GMNC: variants seen among roughly 807,000 people sequenced by gnomAD.
GMNC encodes the protein geminin coiled-coil domain containing.
Under a neutral mutation model 33.6 loss-of-function variants are expected in GMNC, and 16 were observed. That is an observed-to-expected ratio of 0.48 (90% CI 0.32 to 0.72). The LOEUF (loss-of-function observed/expected upper bound fraction) is 0.72, where lower values mean the gene tolerates loss of function less well. GMNC is among the 30% of genes least tolerant of loss of function. The pLI is 0.03. For synonymous variants in GMNC, 156 were observed against 147.3 expected (o/e 1.06, Z -0.43); for missense variants, 393 against 388.9 (o/e 1.01, Z -0.09).
chr3:190,860,921 G>A, intron 1 of GMNC, 63 bp from the exon 2 acceptor site: 2 of 1,201,972 alleles, frequency 1.7e-6, no homozygotes, highest in Non-Finnish European at 2.3e-6. Context: ...AGATTTAGAA[G>A]GGGGAAAGGG....
chr3:190,851,277 A>G (rs1402997779), downstream of GMNC, among the ~76,000 whole-genome samples: 1 of 152,240 alleles, frequency 6.6e-6, no homozygotes, highest in African/African-American at 2.4e-5. Flanking sequence ...TCACAAAACT[A>G]GAGAATATTT....
rs564901731 is a variant in GMNC at position 190,855,112 on chromosome 3, G to A, written c.*183C>T. On this transcript the variant is annotated 3_prime_UTR_variant, in exon 5 of 5. Coordinates refer to ENST00000442080, the MANE Select transcript of GMNC (RefSeq NM_001146686.3). The stretch of plus-strand genomic sequence containing the variant: ...ATTTAGGTAAAAGAAGCGCGGACAC[G>A]TTTCATTATGGATTCTTGGAAGCCA... 1.7e-5 allele frequency: 11 copies of A among 628,820 alleles called. No individual in the cohort carries two copies. Among genetic ancestry groups the A allele is most frequent in the South Asian group, 1.0e-4 (5 of 49,024 alleles). The allele number at this position is 628,820 out of a possible 1,614,324, so 39.0% of individuals were successfully genotyped here.
At position 190,861,490 on chromosome 3, in the gene GMNC, CTATCTATCT is replaced by C. The variant is rs1737869477; in HGVS notation, c.4-641_4-633del. ...TCTATCTATCTATCTATCTATCTAT[CTATCTATCT>C]ATCTATCTATCTCTGTCCCAGAGAT... On this transcript the variant is annotated intron_variant, in intron 1 of 4. Coordinates refer to ENST00000442080, the MANE Select transcript of GMNC (RefSeq NM_001146686.3). This position sits in a 1 kb window ranked among gnomAD's most constrained non-coding sequence, Gnocchi z 5.1. 6.6e-6 allele frequency among the ~76,000 whole-genome samples: 1 copy of C among 152,038 alleles called. No individual in the cohort carries two copies. The highest frequency in any genetic ancestry group is 2.4e-5 in the African/African-American group (1 of 41,442).
rs552019591 is a variant in GMNC at position 190,860,512 on chromosome 3, T to A, written c.178+172A>T. 1.8e-4 allele frequency among the ~76,000 whole-genome samples: 28 copies of A among 152,314 alleles called. No individual in the cohort carries two copies. In the East Asian group the frequency reaches 3.7e-3, roughly 20 times the overall value. ...AAGGTAAAGAATCCCATTTTCACTA[T>A]TTGGCAAGTGTAAAGCAGCAGGCTT... On this transcript the variant is annotated intron_variant, in intron 2 of 4. Coordinates refer to ENST00000442080, the MANE Select transcript of GMNC (RefSeq NM_001146686.3).
At chr3:190,849,255 T>G (rs1737596026), downstream of GMNC, among the ~76,000 whole-genome samples, 1 of 152,192 alleles carries the variant, frequency 6.6e-6, no homozygotes, top group South Asian at 2.1e-4. Context: ...GGTGCTCTAA[T>G]TCCCCAAGGA....
At position 190,860,698 on chromosome 3, in the gene GMNC, G is replaced by A; in HGVS notation, c.164C>T (p.Ala55Val). Residue 55 changes from alanine (A) to valine (V), a missense_variant, in exon 2 of 5, where the codon GCA becomes GTA. Physicochemically the swap from Ala to Val is moderately conservative, Grantham distance 64 (BLOSUM62 0). Transcript: ENST00000442080. ...GCAGAACTTACCCTGTGCCTGTGGT[G>A]CTTGTTGGAGCTCTCTGTTGTCCAG... ...GLLDNRELQQAPQAQESFSDS... is the reference protein window; with the variant it reads ...GLLDNRELQQVPQAQESFSDS... 6.4e-7 allele frequency: 1 copy of A among 1,550,578 alleles called. No homozygotes were observed. The highest frequency in any genetic ancestry group is 1.4e-5 in the African/African-American group (1 of 73,136).
At chr3:190,846,723 TCAA>T in the GMNC span, among the ~76,000 whole-genome samples, 6 of 152,226 alleles carry the variant, frequency 3.9e-5, no homozygotes, top group Admixed American at 3.3e-4. Flanking sequence ...TATTTCACTC[TCAA>T]CAGCCACTTG....
intron 3 of GMNC, among the ~76,000 whole-genome samples, chr3:190,858,641 G>C (rs1737797436): frequency 6.6e-6 from 1 of 152,216 alleles, no homozygotes; most frequent in Non-Finnish European, 1.5e-5. Flanking sequence ...GAGATAGGCA[G>C]TACAAGGTTT....
the GMNC span, among the ~76,000 whole-genome samples, chr3:190,844,396 A>G: frequency 6.6e-6 from 1 of 151,742 alleles, no homozygotes; most frequent in South Asian, 2.1e-4. Context: ...TTAAAATTAA[A>G]TCATTTTATA....
the GMNC span, among the ~76,000 whole-genome samples, chr3:190,844,886 TA>T: frequency 6.6e-6 from 1 of 152,206 alleles, no homozygotes; most frequent in Non-Finnish European, 1.5e-5. Flanking sequence ...GAGGGATTGA[TA>T]AATTAGCTTA....
Position 190,860,715 on chromosome 3 carries a change from G to A in GMNC, c.147C>T (p.Asn49=). 6.4e-7 allele frequency: 1 copy of A among 1,551,274 alleles called. No homozygotes were observed. Among genetic ancestry groups the A allele is most frequent in the African/African-American group, 1.4e-5 (1 of 73,144 alleles). The change falls in exon 2 of 5, where the codon AAC becomes AAT. Residue 49 remains asparagine, a synonymous_variant. Coordinates refer to ENST00000442080, the MANE Select transcript of GMNC (RefSeq NM_001146686.3). ...CCTGTGGTGCTTGTTGGAGCTCTCTGTTGTCCAGGAGACCAGCAGCCCAGA... is the reference window on the plus strand; with the variant it reads ...CCTGTGGTGCTTGTTGGAGCTCTCTATTGTCCAGGAGACCAGCAGCCCAGA... ...VSFWAAGLLD[N]RELQQAPQAQ... is the part of the protein sequence containing the mutation.
At chr3:190,843,549 A>G in the GMNC span, among the ~76,000 whole-genome samples, 1 of 152,176 alleles carries the variant, frequency 6.6e-6, no homozygotes, top group Non-Finnish European at 1.5e-5. Context: ...ACATAATGGC[A>G]CAAAGGTTTC....
rs1402665305 is a variant in GMNC at position 190,855,934 on chromosome 3, A to G, written c.385-19T>C. ...GCAATTTCTAGGGAAGTGATATTTG[A>G]AAGTTATACTTTTTTCATATATTTA... On this transcript the variant is annotated intron_variant, in intron 4 of 4. Transcript: ENST00000442080. 1.3e-6 allele frequency: 2 copies of G among 1,502,292 alleles called. No individual in the cohort carries two copies. The highest frequency in any genetic ancestry group is 1.3e-5 in the South Asian group (1 of 76,648). 93.1% of individuals were successfully genotyped at this position (1,502,292 alleles called of 1,614,324 possible). A position where few individuals can be genotyped will look rare whatever the true frequency, so the allele number is the denominator to read the frequency against.
rs1015581225 is a variant in GMNC at position 190,859,881 on chromosome 3, T to C, written c.178+803A>G. The C allele has an allele frequency of 1.1e-4, 47 of 438,496 alleles. No homozygotes were observed. In the Admixed American group the frequency reaches 1.2e-3, roughly 11 times the overall value. 27.2% of individuals were successfully genotyped at this position (438,496 alleles called of 1,614,324 possible). On this transcript the variant is annotated intron_variant, in intron 2 of 4. Coordinates refer to ENST00000442080, the MANE Select transcript of GMNC (RefSeq NM_001146686.3). ...GGAGATAGGAATAAAATGGCATAAGTAGTTTGGGTTCACATTCTTGGGCAT... is the reference window on the plus strand; with the variant it reads ...GGAGATAGGAATAAAATGGCATAAGCAGTTTGGGTTCACATTCTTGGGCAT...
rs1163142763 is a variant in GMNC at position 190,861,455 on chromosome 3, C to CT, written c.4-598_4-597insA. Among the ~76,000 whole-genome samples the CT allele has an allele frequency of 2.0e-4, 29 of 146,006 alleles. No homozygotes were observed. The highest frequency in any genetic ancestry group is 3.1e-4 in the African/African-American group (12 of 39,254). On this transcript the variant is annotated intron_variant, in intron 1 of 4. Coordinates refer to ENST00000442080, the MANE Select transcript of GMNC (RefSeq NM_001146686.3). This position sits in a 1 kb window ranked among gnomAD's most constrained non-coding sequence, Gnocchi z 5.1. ...TCTGTCTGTCTGTCTGTCTGCCTAT[C>CT]ATCTATCTATCTATCTATCTATCTA...
intron 3 of GMNC, among the ~76,000 whole-genome samples, chr3:190,858,445 AGATT>A (rs1298039922): frequency 6.6e-6 from 1 of 152,218 alleles, no homozygotes; most frequent in African/African-American, 2.4e-5. Flanking sequence ...TTTCAGCCTC[AGATT>A]GATCTGTCTG....
the GMNC span, among the ~76,000 whole-genome samples, chr3:190,845,804 G>A: frequency 6.6e-6 from 1 of 152,074 alleles, no homozygotes; most frequent in Admixed American, 6.6e-5. Context: ...ACCGCGCCGG[G>A]CCTCAAAACT....
downstream of GMNC, among the ~76,000 whole-genome samples, chr3:190,850,414 G>T (rs972786678): frequency 1.3e-5 from 2 of 152,210 alleles, no homozygotes; most frequent in African/African-American, 2.4e-5. Flanking sequence ...CGGACTGCTG[G>T]TTCCGGATGA....
chr3:190,848,967 T>C (rs973169895), downstream of GMNC, among the ~76,000 whole-genome samples: 3 of 152,172 alleles, frequency 2.0e-5, no homozygotes, highest in Admixed American at 6.5e-5. Context: ...ATAATTACTA[T>C]ACATATTAAA....
Sources: allele counts gnomAD v4.1 joint callset (sites outside exome capture counted in the v4.1 genomes callset), GRCh38; gene constraint gnomAD v4.1.1; non-coding constraint Gnocchi (gnomAD v3.1); transcripts MANE v1.5; gene names NCBI Gene and HGNC (gene_info 2026-07-23, HGNC 2026-07-21).